The following ARHGAP24 variants were observed in gnomAD, a reference collection of about 807,000 sequenced individuals.
The protein encoded by ARHGAP24 is rho GTPase-activating protein 24.
In ARHGAP24, 50 loss-of-function variants were observed where a neutral mutation model predicts 76.4. That is an observed-to-expected ratio of 0.65 (90% CI 0.52 to 0.83). ARHGAP24 has a LOEUF of 0.83. Among genes scored for constraint, ARHGAP24 ranks in the 40% least tolerant of loss-of-function variants. The pLI, the probability that ARHGAP24 is intolerant of heterozygous loss-of-function variation, is 0.00. For missense variants in ARHGAP24, 930 were observed against 914.2 expected (o/e 1.02, Z -0.22); for synonymous variants, 345 against 323.3 (o/e 1.07, Z -0.72).
At chr4:85,773,248 G>T (rs1368582084) in intron 3 of ARHGAP24, among the ~76,000 whole-genome samples, 1 of 152,048 alleles carries the variant, frequency 6.6e-6, no homozygotes, top group Non-Finnish European at 1.5e-5. Flanking sequence ...TAGTCCTTTA[G>T]ACGACCTGTC....
intron 1 of ARHGAP24, among the ~76,000 whole-genome samples, chr4:85,521,855 T>C (rs1724775803): frequency 1.3e-5 from 2 of 152,126 alleles, no homozygotes; most frequent in Non-Finnish European, 2.9e-5. Context: ...AATGTAGTTA[T>C]TTATTATTGA....
chr4:85,916,542 A>G (rs1735411051), intron 3 of ARHGAP24, among the ~76,000 whole-genome samples: 2 of 152,208 alleles, frequency 1.3e-5, no homozygotes, highest in Admixed American at 1.3e-4. Flanking sequence ...TTATAGTTGT[A>G]TGAGTGAAAA....
intron 3 of ARHGAP24, among the ~76,000 whole-genome samples, chr4:85,819,897 T>C (rs61163122): frequency 0.11 from 15,939 of 149,724 alleles, 966 homozygotes; most frequent in South Asian, 0.19. Flanking sequence ...TCCATCATGA[T>C]TGAAAATTTC....
Position 85,974,871 on chromosome 4 carries a change from T to G in ARHGAP24, c.733-17T>G. The G allele has an allele frequency of 6.2e-7, 1 of 1,611,778 alleles. No individual in the cohort carries two copies. Among genetic ancestry groups the G allele is most frequent in the Non-Finnish European group, 8.5e-7 (1 of 1,178,382 alleles). ...AACGTGTAGAAAAATAATATTTATTTTCTTCTTTGTACTCAGGGTGTTAAG... is the reference window on the plus strand; with the variant it reads ...AACGTGTAGAAAAATAATATTTATTGTCTTCTTTGTACTCAGGGTGTTAAG... On this transcript the variant is annotated splice_polypyrimidine_tract_variant and intron_variant, in intron 6 of 9. Coordinates refer to ENST00000395184, the MANE Select transcript of ARHGAP24 (RefSeq NM_001025616.3).
chr4:85,655,766 CATAT>C (rs370571889), intron 2 of ARHGAP24, among the ~76,000 whole-genome samples: 1,455 of 68,978 alleles, frequency 0.021, 50 homozygotes, highest in East Asian at 0.074. Context: ...AGTGAGACTC[CATAT>C]ATATATATAT....
chr4:85,594,458 C>T (rs1327005818), intron 2 of ARHGAP24, among the ~76,000 whole-genome samples: 3 of 151,928 alleles, frequency 2.0e-5, no homozygotes, highest in Non-Finnish European at 4.4e-5. Flanking sequence ...CTTGTCTGAT[C>T]GCTGTAACTA....
intron 2 of ARHGAP24, among the ~76,000 whole-genome samples, chr4:85,671,504 T>A (rs1278497768): frequency 1.3e-5 from 2 of 152,150 alleles, no homozygotes; most frequent in Non-Finnish European, 2.9e-5. Flanking sequence ...GTAAAAGATG[T>A]GTGGATGAAT....
chr4:85,879,376 T>G (rs1444060199), intron 3 of ARHGAP24, among the ~76,000 whole-genome samples: 2 of 152,200 alleles, frequency 1.3e-5, no homozygotes, highest in Non-Finnish European at 2.9e-5. Flanking sequence ...CTACTCTGTG[T>G]AAATGTAAAA....
intron 3 of ARHGAP24, among the ~76,000 whole-genome samples, chr4:85,794,772 C>A (rs1728276605): frequency 6.6e-6 from 1 of 152,216 alleles, no homozygotes; most frequent in African/African-American, 2.4e-5. Context: ...AGAGCCACTG[C>A]ACCCGACCTG....
intron 3 of ARHGAP24, among the ~76,000 whole-genome samples, chr4:85,748,871 C>G (rs1726148340): frequency 6.6e-6 from 1 of 152,184 alleles, no homozygotes; most frequent in African/African-American, 2.4e-5. Context: ...ACTTGACAGT[C>G]TCTGACACAG....
intron 1 of ARHGAP24, among the ~76,000 whole-genome samples, chr4:85,489,749 A>T (rs1235609211): frequency 6.6e-6 from 1 of 152,172 alleles, no homozygotes; most frequent in Non-Finnish European, 1.5e-5. Context: ...CTCATGGCTC[A>T]ATGGTGTCCC....
intron 3 of ARHGAP24, among the ~76,000 whole-genome samples, chr4:85,797,863 A>AT (rs1297176697): frequency 3.3e-5 from 5 of 152,198 alleles, no homozygotes; most frequent in Non-Finnish European, 5.9e-5. Context: ...TAAAGTAATT[A>AT]TTTCGGAGGG....
At position 85,692,995 on chromosome 4, in the gene ARHGAP24, G is replaced by A. The variant is rs116228249; in HGVS notation, c.181-28890G>A. ...ATTCATTTCTGGATATTTTCAAGTG[G>A]CCAACCCTCTGCACAGGGTCTTTAT... On this transcript the variant is annotated intron_variant, in intron 2 of 9. Coordinates refer to ENST00000395184, the MANE Select transcript of ARHGAP24 (RefSeq NM_001025616.3). Among the ~76,000 whole-genome samples the A allele has an allele frequency of 5.3e-3, 809 of 152,276 alleles. 7 individuals carry two copies. The highest frequency in any genetic ancestry group is 0.018 in the African/African-American group (766 of 41,546).
intron 3 of ARHGAP24, chr4:85,778,971 G>A: frequency 1.0e-6 from 1 of 985,372 alleles, no homozygotes; most frequent in Non-Finnish European, 1.2e-6. Context: ...ATAAGGTACT[G>A]TTTTTACTCA....
intron 3 of ARHGAP24, among the ~76,000 whole-genome samples, chr4:85,897,496 TAAA>T (rs1560703593): frequency 6.6e-6 from 1 of 152,202 alleles, no homozygotes. Flanking sequence ...TACTAATTTC[TAAA>T]AAAGAAGCAA....
chr4:85,487,225 T>C (rs1344392154), intron 1 of ARHGAP24, among the ~76,000 whole-genome samples: 2 of 133,276 alleles, frequency 1.5e-5, no homozygotes, highest in African/African-American at 2.8e-5. Context: ...TAAAAATATA[T>C]ATTTATTTTA....
Position 85,995,627 on chromosome 4 carries a change from A to C in ARHGAP24, c.1973A>C (p.Gln658Pro). 6.2e-7 allele frequency: 1 copy of C among 1,614,046 alleles called. No homozygotes were observed. Among genetic ancestry groups the C allele is most frequent in the Non-Finnish European group, 8.5e-7 (1 of 1,180,002 alleles). Reference protein sequence around the residue: ...VSSLKQEMTKQKIEYESRIKS... With the variant: ...VSSLKQEMTKPKIEYESRIKS... ...AGCCTGAAACAGGAAATGACCAAAC[A>C]GAAGATAGAGTATGAGTCCAGGATA... is the stretch of plus-strand genomic sequence containing the variant. The change falls in exon 9 of 10, where the codon CAG becomes CCG. Residue 658 changes from glutamine to proline, a missense_variant. Transcript: ENST00000395184.
At position 85,995,072 on chromosome 4, in the gene ARHGAP24, G is replaced by T. The variant is rs115134211; in HGVS notation, c.1418G>T (p.Gly473Val). Residue 473 changes from glycine to valine, a missense_variant, in exon 9 of 10, where the codon GGC becomes GTC. Transcript: ENST00000395184. ...CTGAAGGTATCTGGTACCAAAATGG[G>T]CACGCACAGTGTACAGAATGGAACG... ...SSLKVSGTKM[G>V]THSVQNGTVR... 3.0e-5 allele frequency: 48 copies of T among 1,614,036 alleles called. No individual in the cohort carries two copies. In the African/African-American group the frequency reaches 6.4e-4, roughly 22 times the overall value.
intron 3 of ARHGAP24, among the ~76,000 whole-genome samples, chr4:85,784,955 CTA>C (rs1233381872): frequency 2.8e-4 from 41 of 147,044 alleles, no homozygotes; most frequent in African/African-American, 1.0e-3. Context: ...ATCTATCTAT[CTA>C]TCTCTCTATC....
Sources: allele counts gnomAD v4.1 joint callset (sites outside exome capture counted in the v4.1 genomes callset), GRCh38; gene constraint gnomAD v4.1.1; transcripts MANE v1.5; gene names NCBI Gene and HGNC (gene_info 2026-07-23, HGNC 2026-07-21).